The following RPS6KA2 variants were observed in gnomAD, a reference collection of about 807,000 sequenced individuals.
RPS6KA2 encodes the protein ribosomal protein S6 kinase A2.
Under a neutral mutation model 91.8 loss-of-function variants are expected in RPS6KA2, and 42 were observed. The ratio of observed to expected loss-of-function variants is 0.46; its 90% CI spans 0.36 to 0.59. RPS6KA2 has a LOEUF of 0.59. Ranked by LOEUF, RPS6KA2 falls within the 20% of genes least tolerant of loss-of-function variation. RPS6KA2 has a pLI of 0.00. For synonymous variants in RPS6KA2, 414 were observed against 393.6 expected (o/e 1.05, Z -0.61); for missense variants, 798 against 978.5 (o/e 0.82, Z 2.46).
chr6:166,804,952 C>T (rs1779453884), intron 2 of RPS6KA2, among the ~76,000 whole-genome samples: 2 of 152,180 alleles, frequency 1.3e-5, no homozygotes, highest in South Asian at 4.1e-4. Context: ...AGCAGGATTA[C>T]ACTTTTTCTC....
At chr6:166,664,517 G>A (rs1788261986) in intron 2 of RPS6KA2, among the ~76,000 whole-genome samples, 1 of 152,150 alleles carries the variant, frequency 6.6e-6, no homozygotes, top group South Asian at 2.1e-4. Context: ...CGGCATGGAG[G>A]AATCCACACA....
chr6:166,600,549 T>G (rs1785698496), intron 1 of RPS6KA2, among the ~76,000 whole-genome samples: 1 of 152,244 alleles, frequency 6.6e-6, no homozygotes, highest in Non-Finnish European at 1.5e-5. Context: ...TATCCCTTAT[T>G]CCTGATGGGT....
At chr6:166,753,558 G>A (rs947617383) in intron 2 of RPS6KA2, among the ~76,000 whole-genome samples, 3 of 152,178 alleles carry the variant, frequency 2.0e-5, no homozygotes, top group South Asian at 4.1e-4. Context: ...AACACACACA[G>A]CAACTCGGAT....
intron 2 of RPS6KA2, chr6:166,757,961 A>T (rs1273964927): frequency 3.8e-5 from 7 of 183,348 alleles, no homozygotes; most frequent in Admixed American, 6.1e-5. Flanking sequence ...CATCTGGCAG[A>T]AGCCGGCAAA....
intron 2 of RPS6KA2, among the ~76,000 whole-genome samples, chr6:166,672,706 G>A (rs1788504391): frequency 6.6e-6 from 1 of 152,246 alleles, no homozygotes. Flanking sequence ...GCTGATCTCA[G>A]AGGGGGGCCG....
chr6:166,700,162 T>C (rs904750581), intron 2 of RPS6KA2, among the ~76,000 whole-genome samples: 1 of 152,226 alleles, frequency 6.6e-6, no homozygotes, highest in African/African-American at 2.4e-5. Context: ...AAAACTGCAG[T>C]CTCCTGAAGC....
intron 1 of RPS6KA2, among the ~76,000 whole-genome samples, chr6:166,617,708 G>A (rs1052712626): frequency 4.6e-5 from 7 of 152,218 alleles, no homozygotes; most frequent in African/African-American, 1.7e-4. Flanking sequence ...TAATTCCTAA[G>A]ATAAAATGTC....
chr6:166,508,314 CT>C lies in RPS6KA2; in HGVS notation c.380-33del. On this transcript the variant is annotated intron_variant, in intron 4 of 20. Transcript: ENST00000265678. The surrounding 1 kb of genome is among the most constrained non-coding windows in gnomAD (Gnocchi z 4.3). ...GGGACAGAGACCCGCATTTTGACAG[CT>C]TGTCGAATGTCCTGTGGCAACATCG... is the stretch of plus-strand genomic sequence containing the variant. 7.1e-7 allele frequency: 1 copy of C among 1,412,622 alleles called. No homozygotes were observed. Among genetic ancestry groups the C allele is most frequent in the Non-Finnish European group, 1.0e-6 (1 of 997,116 alleles). 87.5% of individuals were successfully genotyped at this position (1,412,622 alleles called of 1,614,324 possible). A position where few individuals can be genotyped will look rare whatever the true frequency, so the allele number is the denominator to read the frequency against.
chr6:166,648,304 T>C lies in RPS6KA2; in HGVS notation c.124-109520A>G, dbSNP rs1787736269. 6.6e-6 allele frequency among the ~76,000 whole-genome samples: 1 copy of C among 151,886 alleles called. No homozygotes were observed. Among genetic ancestry groups the C allele is most frequent in the Non-Finnish European group, 1.5e-5 (1 of 67,968 alleles). ...TGCACACAGTATGCACACACACGCA[T>C]GTATACACATGCACACACACATACA... On this transcript the variant is annotated intron_variant, in intron 2 of 21. Transcript: ENST00000503859. This position sits in a 1 kb window ranked among gnomAD's most constrained non-coding sequence, Gnocchi z 4.8.
rs1778637744 is a variant in RPS6KA2, at chr6:166,419,100, G to A, written c.1821-758C>T. ...CCTTCTGCTGTGGACACTACCTGTT[G>A]ACTTATGATGAAATAAGTGAAAAGC... is the stretch of plus-strand genomic sequence containing the variant. On this transcript the variant is annotated intron_variant, in intron 18 of 20. Transcript: ENST00000265678. This position sits in a 1 kb window ranked among gnomAD's most constrained non-coding sequence, Gnocchi z 5.6. Among the ~76,000 whole-genome samples, 2 of 152,202 alleles carry A rather than the reference G, an allele frequency of 1.3e-5. No homozygotes were observed. The highest frequency in any genetic ancestry group is 6.5e-5 in the Admixed American group (1 of 15,278).
At chr6:166,776,577 C>T (rs1041684762) in intron 2 of RPS6KA2, among the ~76,000 whole-genome samples, 3 of 152,164 alleles carry the variant, frequency 2.0e-5, no homozygotes, top group Non-Finnish European at 4.4e-5. Context: ...CCACTCTGCC[C>T]TCCCAGTCCC....
chr6:166,842,353 T>C (rs61347037), intron 2 of RPS6KA2, among the ~76,000 whole-genome samples: 5,935 of 152,220 alleles, frequency 0.039, 567 homozygotes, highest in East Asian at 0.38. Flanking sequence ...TAGAACACCA[T>C]GTGAAGATGG....
intron 3 of RPS6KA2, among the ~76,000 whole-genome samples, chr6:166,526,886 T>A (rs1303347482): frequency 6.6e-6 from 1 of 152,244 alleles, no homozygotes; most frequent in Non-Finnish European, 1.5e-5. Context: ...TACACACAAA[T>A]ACACACACCT....
At chr6:166,485,018 G>A (rs1422397621) in intron 10 of RPS6KA2, among the ~76,000 whole-genome samples, 2 of 152,188 alleles carry the variant, frequency 1.3e-5, no homozygotes, top group Admixed American at 6.5e-5. Flanking sequence ...CCTGAGGCTC[G>A]AAGAACGACC....
chr6:166,660,400 G>GCA (rs1788131972), intron 2 of RPS6KA2, among the ~76,000 whole-genome samples: 1 of 139,838 alleles, frequency 7.2e-6, no homozygotes, highest in African/African-American at 2.6e-5. Flanking sequence ...ATGCGTGCGT[G>GCA]TGTGTGTGTG....
chr6:166,573,863 T>C (rs978624199), intron 1 of RPS6KA2, among the ~76,000 whole-genome samples: 1 of 152,192 alleles, frequency 6.6e-6, no homozygotes, highest in African/African-American at 2.4e-5. Context: ...TAATAGAGCA[T>C]TCAGAGAGAA....
rs567994962 is a variant in RPS6KA2, at chr6:166,750,239, G to C, written c.123+107961C>G. Reference sequence around the variant, plus strand: ...CCCTGCAGTGCTGCAGAGACATCGGGCGTGCTCCCCTCCTGTGTCCTCAGC... The same window carrying C: ...CCCTGCAGTGCTGCAGAGACATCGGCCGTGCTCCCCTCCTGTGTCCTCAGC... On this transcript the variant is annotated intron_variant, in intron 2 of 21. Transcript: ENST00000503859. Among the ~76,000 whole-genome samples, 4 of 152,296 alleles carry C rather than the reference G, an allele frequency of 2.6e-5. No individual in the cohort carries two copies. The South Asian group carries it at 6.2e-4, about 24-fold the overall frequency.
chr6:166,646,409 T>C (rs1787603352), intron 2 of RPS6KA2, among the ~76,000 whole-genome samples: 1 of 152,222 alleles, frequency 6.6e-6, no homozygotes, highest in Non-Finnish European at 1.5e-5. Flanking sequence ...CCAGCCAAGC[T>C]TGGGACTGGA....
intron 2 of RPS6KA2, among the ~76,000 whole-genome samples, chr6:166,652,527 T>C (rs1787883814): frequency 6.6e-6 from 1 of 152,194 alleles, no homozygotes; most frequent in Non-Finnish European, 1.5e-5. Flanking sequence ...ACTGGACACG[T>C]TTCTTGACTT....
Sources: allele counts gnomAD v4.1 joint callset (sites outside exome capture counted in the v4.1 genomes callset), GRCh38; gene constraint gnomAD v4.1.1; non-coding constraint Gnocchi (gnomAD v3.1); transcripts MANE v1.5; gene names NCBI Gene and HGNC (gene_info 2026-07-23, HGNC 2026-07-21).